PRKG1: variants seen among roughly 807,000 people sequenced by gnomAD.
PRKG1 encodes the protein protein kinase cGMP-dependent 1.
PRKG1 carries 35 observed loss-of-function variants against 88.1 expected under a neutral mutation model. The ratio of observed to expected loss-of-function variants is 0.40; its 90% confidence interval spans 0.30 to 0.53. PRKG1 has a LOEUF of 0.53. Ranked by LOEUF, PRKG1 falls within the 20% of genes least tolerant of loss-of-function variation. The probability of loss-of-function intolerance (pLI) is 0.59; values close to 1 mark genes in which losing one functional copy is unlikely to be tolerated. For synonymous variants in PRKG1, 303 were observed against 292.5 expected (o/e 1.04, Z -0.37); for missense variants, 540 against 839.8 (o/e 0.64, Z 4.41).
chr10:51,819,202 G>T (rs1204510869), intron 4 of PRKG1, among the ~76,000 whole-genome samples: 1 of 151,878 alleles, frequency 6.6e-6, no homozygotes, highest in Non-Finnish European at 1.5e-5. Context: ...TATGTATAGA[G>T]ATCACATGGT....
chr10:51,516,103 G>A (rs1408454384), intron 3 of PRKG1, among the ~76,000 whole-genome samples: 1 of 152,144 alleles, frequency 6.6e-6, no homozygotes, highest in African/African-American at 2.4e-5. Flanking sequence ...CAAGAGGAAT[G>A]GGGTCACGTG....
chr10:52,062,651 T>C lies in PRKG1; in HGVS notation c.935+20T>C, dbSNP rs1245047127. ...GCAGGGGTAAGTAGATCATGTGTTATACAGGTTTTTGTTTGAGTGCTACAT... is the reference window on the plus strand; with the variant it reads ...GCAGGGGTAAGTAGATCATGTGTTACACAGGTTTTTGTTTGAGTGCTACAT... On this transcript the variant is annotated intron_variant, in intron 7 of 17. Coordinates refer to ENST00000373980, the MANE Select transcript of PRKG1 (RefSeq NM_006258.4). 6.4e-7 allele frequency: 1 copy of C among 1,552,080 alleles called. No homozygotes were observed. The highest frequency in any genetic ancestry group is 1.4e-5 in the African/African-American group (1 of 72,472).
chr10:51,563,237 C>T (rs1363814133), intron 3 of PRKG1, among the ~76,000 whole-genome samples: 1 of 152,128 alleles, frequency 6.6e-6, no homozygotes, highest in Non-Finnish European at 1.5e-5. Flanking sequence ...TAGTGTTGTA[C>T]ACCACTGTAG....
At chr10:51,333,138 G>A (rs1000384132) in intron 2 of PRKG1, among the ~76,000 whole-genome samples, 1 of 152,184 alleles carries the variant, frequency 6.6e-6, no homozygotes, top group Admixed American at 6.5e-5. Context: ...AAAGAAGCTG[G>A]TATAAGTCTA....
intron 3 of PRKG1, among the ~76,000 whole-genome samples, chr10:51,541,979 G>A (rs1262088001): frequency 1.3e-5 from 2 of 152,036 alleles, no homozygotes; most frequent in Non-Finnish European, 2.9e-5. Context: ...TTGTGGCTTT[G>A]ATTTGTTCTG....
intron 4 of PRKG1, among the ~76,000 whole-genome samples, chr10:51,820,942 A>G (rs1290501334): frequency 1.3e-5 from 2 of 152,182 alleles, no homozygotes; most frequent in South Asian, 2.1e-4. Context: ...ATACTCATGT[A>G]AAAAATACCA....
intron 3 of PRKG1, among the ~76,000 whole-genome samples, chr10:51,789,581 C>A (rs967363770): frequency 6.6e-6 from 1 of 151,978 alleles, no homozygotes; most frequent in East Asian, 1.9e-4. Context: ...TTATATGAGG[C>A]CTGTTTATGA....
Position 51,105,684 on chromosome 10 carries a change from TA to T in PRKG1, c.311+30787del, listed in dbSNP as rs140629714. On this transcript the variant is annotated intron_variant, in intron 1 of 17. Transcript: ENST00000373980. ...CTGGAGAGTGGGGACACATAGACAT[TA>T]AAATTTTTTTCCTTTTATTTATAAA... is the stretch of plus-strand genomic sequence containing the variant. Among the ~76,000 whole-genome samples the T allele has an allele frequency of 5.3e-3, 804 of 151,632 alleles. 5 individuals are homozygous for T. Among genetic ancestry groups the T allele is most frequent in the African/African-American group, 0.018 (759 of 41,384 alleles).
At chr10:51,699,552 T>C in intron 3 of PRKG1, 1 of 1,606,750 alleles carries the variant, frequency 6.2e-7, no homozygotes, top group Non-Finnish European at 8.5e-7. Flanking sequence ...CTCGACATGA[T>C]TCCGGTTGTG....
At position 51,663,833 on chromosome 10, in the gene PRKG1, A is replaced by G. The variant is rs924826808; in HGVS notation, c.593-140752A>G. Reference sequence around the variant, plus strand: ...TCTCTAATTAGGAATCATTTTTTCTACTTTTCAAGGAAACATTGAAAATAT... The same window carrying G: ...TCTCTAATTAGGAATCATTTTTTCTGCTTTTCAAGGAAACATTGAAAATAT... On this transcript the variant is annotated intron_variant, in intron 3 of 17. Coordinates refer to ENST00000373980, the MANE Select transcript of PRKG1 (RefSeq NM_006258.4). Among the ~76,000 whole-genome samples, 45 of 152,060 alleles carry G rather than the reference A, an allele frequency of 3.0e-4. 1 individual carries two copies. Among genetic ancestry groups the G allele is most frequent in the African/African-American group, 1.1e-3 (45 of 41,534 alleles).
intron 3 of PRKG1, among the ~76,000 whole-genome samples, chr10:51,745,994 C>G (rs1433842985): frequency 6.6e-6 from 1 of 152,122 alleles, no homozygotes; most frequent in Admixed American, 6.5e-5. Context: ...CAGGCACATG[C>G]CATCTTGTCT....
chr10:51,395,097 A>G (rs1196120415), intron 2 of PRKG1, among the ~76,000 whole-genome samples: 1 of 152,206 alleles, frequency 6.6e-6, no homozygotes, highest in Non-Finnish European at 1.5e-5. Context: ...TTAAATATGC[A>G]TGCAGTTTGG....
intron 10 of PRKG1, among the ~76,000 whole-genome samples, chr10:52,266,200 T>C (rs1475441771): frequency 1.3e-5 from 2 of 151,472 alleles, no homozygotes; most frequent in African/African-American, 4.8e-5. Flanking sequence ...TTATTATTAT[T>C]ATTATTATTA....
intron 8 of PRKG1, among the ~76,000 whole-genome samples, chr10:52,149,128 G>C (rs1564490415): frequency 6.6e-6 from 1 of 151,814 alleles, no homozygotes; most frequent in Non-Finnish European, 1.5e-5. Context: ...CAATGAAAAG[G>C]AGACTTGTTT....
chr10:52,237,277 C>A (rs1840712829), intron 9 of PRKG1, among the ~76,000 whole-genome samples: 1 of 146,262 alleles, frequency 6.8e-6, no homozygotes, highest in African/African-American at 2.6e-5. Context: ...GATGCCCTCT[C>A]TCACCACTCC....
chr10:51,178,066 G>A (rs1837244969), intron 2 of PRKG1, among the ~76,000 whole-genome samples: 1 of 152,074 alleles, frequency 6.6e-6, no homozygotes, highest in South Asian at 2.1e-4. Context: ...AAAATGAAAT[G>A]GCAAGGGAAG....
At chr10:51,611,217 A>T (rs1216212980) in intron 3 of PRKG1, among the ~76,000 whole-genome samples, 1 of 152,174 alleles carries the variant, frequency 6.6e-6, no homozygotes, top group Admixed American at 6.6e-5. Flanking sequence ...TTTTCATAAT[A>T]GTTGTACTAA....
rs141499567 is a variant in PRKG1, at chr10:51,557,052, C to T, written c.592+89216C>T. Among the ~76,000 whole-genome samples the T allele has an allele frequency of 2.2e-3, 333 of 152,042 alleles. 4 individuals are homozygous for T. Among genetic ancestry groups the T allele is most frequent in the African/African-American group, 7.8e-3 (325 of 41,512 alleles). Reference sequence around the variant, plus strand: ...TTCTCCTTGATCAGATGATACCACCCGCTTCTCCCCCAATCCCACACACAT... The same window carrying T: ...TTCTCCTTGATCAGATGATACCACCTGCTTCTCCCCCAATCCCACACACAT... On this transcript the variant is annotated intron_variant, in intron 3 of 17. Transcript: ENST00000373980.
At chr10:51,813,666 C>T (rs925877916) in intron 4 of PRKG1, among the ~76,000 whole-genome samples, 1 of 152,166 alleles carries the variant, frequency 6.6e-6, no homozygotes, top group African/African-American at 2.4e-5. Flanking sequence ...CCACCCTATA[C>T]TGCCTCAATA....
Sources: gnomAD v4.1 joint callset for allele counts (sites outside exome capture counted in the v4.1 genomes callset) on GRCh38, gnomAD v4.1.1 for gene constraint, MANE v1.5 for transcripts, NCBI Gene and HGNC (gene_info 2026-07-23, HGNC 2026-07-21) for gene names.